ZNF695: variants seen among roughly 807,000 people sequenced by gnomAD.
The protein encoded by ZNF695 is zinc finger protein SBZF3.
ZNF695 carries 11 observed loss-of-function variants against 11.2 expected under a neutral mutation model. The observed-to-expected ratio is 0.98, with a 90% CI of 0.62 to 1.62. ZNF695 has a LOEUF of 1.62. ZNF695 is among the 40% of genes most tolerant of loss of function. The probability of loss-of-function intolerance (pLI) is 0.00; values close to 1 mark genes in which losing one functional copy is unlikely to be tolerated. For missense variants in ZNF695, 559 were observed against 590.5 expected (o/e 0.95, Z 0.55); for synonymous variants, 190 against 201.4 (o/e 0.94, Z 0.48).
intron 1 of ZNF695, among the ~76,000 whole-genome samples, chr1:247,003,602 T>C (rs1669452191): frequency 6.6e-6 from 1 of 152,118 alleles, no homozygotes; most frequent in African/African-American, 2.4e-5. Context: ...AAAATAAACA[T>C]TGGAAAAGAA....
intron 3 of ZNF695, among the ~76,000 whole-genome samples, chr1:246,997,513 A>G (rs978514115): frequency 2.0e-5 from 3 of 152,104 alleles, no homozygotes; most frequent in African/African-American, 7.2e-5. Context: ...AAGAAAAAAA[A>G]AAAAGAAAAA....
intron 5 of ZNF695, among the ~76,000 whole-genome samples, chr1:246,946,201 C>T (rs73146692): frequency 0.026 from 3,901 of 152,244 alleles, 167 homozygotes; most frequent in African/African-American, 0.088. Flanking sequence ...CCTAATCCCA[C>T]GTCCCATCCC....
intron 3 of ZNF695, among the ~76,000 whole-genome samples, chr1:246,988,865 C>T (rs937910081): frequency 1.1e-4 from 16 of 151,804 alleles, no homozygotes; most frequent in East Asian, 3.9e-4. Flanking sequence ...CCGAGACGGG[C>T]GGATCACGAG....
chr1:246,996,340 T>G (rs951083080), intron 3 of ZNF695, among the ~76,000 whole-genome samples: 2 of 151,858 alleles, frequency 1.3e-5, no homozygotes, highest in Admixed American at 6.6e-5. Flanking sequence ...GGCGACAGAG[T>G]GAGACTCCTC....
At chr1:246,963,864 C>T (rs1033267265) in intron 5 of ZNF695, among the ~76,000 whole-genome samples, 1 of 152,126 alleles carries the variant, frequency 6.6e-6, no homozygotes, top group Non-Finnish European at 1.5e-5. Context: ...CAAGACTGCC[C>T]CTACTTTAGA....
At chr1:246,988,370 C>A in intron 3 of ZNF695, 115 bp from the exon 4 acceptor site, 1 of 737,164 alleles carries the variant, frequency 1.4e-6, no homozygotes, top group Non-Finnish European at 2.1e-6. Flanking sequence ...ATACCACAGG[C>A]CCTTATTCCT....
At chr1:246,950,939 A>ATT (rs1558301459) in intron 5 of ZNF695, among the ~76,000 whole-genome samples, 1 of 152,154 alleles carries the variant, frequency 6.6e-6, no homozygotes, top group Non-Finnish European at 1.5e-5. Context: ...AAACAGGTAT[A>ATT]CCCTGTTCCT....
At chr1:246,948,050 G>A (rs1414841722) in intron 5 of ZNF695, among the ~76,000 whole-genome samples, 4 of 152,002 alleles carry the variant, frequency 2.6e-5, no homozygotes, top group Non-Finnish European at 4.4e-5. Flanking sequence ...CCTGTGAGGC[G>A]ATGAGTGACG....
chr1:246,951,619 T>G (rs1382727467), intron 5 of ZNF695, among the ~76,000 whole-genome samples: 1 of 152,236 alleles, frequency 6.6e-6, no homozygotes, highest in Admixed American at 6.5e-5. Flanking sequence ...TACACGCTCC[T>G]AGACCAGAAA....
intron 3 of ZNF695, among the ~76,000 whole-genome samples, chr1:246,988,816 C>T (rs964985357): frequency 3.9e-5 from 6 of 152,196 alleles, no homozygotes; most frequent in African/African-American, 1.2e-4. Flanking sequence ...TTAGGCCGGG[C>T]GCGGTGGCTC....
At chr1:247,000,432 G>A (rs1419319174) in intron 1 of ZNF695, among the ~76,000 whole-genome samples, 2 of 151,736 alleles carry the variant, frequency 1.3e-5, no homozygotes, top group South Asian at 2.1e-4. Flanking sequence ...TTGAAGCCAA[G>A]CTGCAGTGAG....
intron 3 of ZNF695, among the ~76,000 whole-genome samples, chr1:246,997,985 C>G (rs1669258756): frequency 6.6e-6 from 1 of 152,152 alleles, no homozygotes; most frequent in Non-Finnish European, 1.5e-5. Context: ...ATCATGAGTA[C>G]AGTTAATAAT....
chr1:246,979,205 G>A (rs1407158639), intron 4 of ZNF695, among the ~76,000 whole-genome samples: 1 of 152,182 alleles, frequency 6.6e-6, no homozygotes, highest in Non-Finnish European at 1.5e-5. Flanking sequence ...AGATCCACAA[G>A]GGGAGATAAC....
At chr1:246,949,811 C>T (rs1313543653) in intron 5 of ZNF695, among the ~76,000 whole-genome samples, 1 of 152,078 alleles carries the variant, frequency 6.6e-6, no homozygotes. Flanking sequence ...ATGGAAAAGA[C>T]TAATTACTTT....
At chr1:246,962,842 G>C (rs915445594) in intron 5 of ZNF695, among the ~76,000 whole-genome samples, 7 of 151,898 alleles carry the variant, frequency 4.6e-5, no homozygotes. Flanking sequence ...ACAGGCACCC[G>C]CCACCACGCC....
intron 5 of ZNF695, among the ~76,000 whole-genome samples, chr1:246,965,872 T>G (rs2103008695): frequency 6.6e-6 from 1 of 152,086 alleles, no homozygotes; most frequent in South Asian, 2.1e-4. Context: ...TAAATTCCTT[T>G]TTGTTTATAT....
intron 4 of ZNF695, among the ~76,000 whole-genome samples, chr1:246,976,559 C>CAGAG (rs1243472466): frequency 5.3e-5 from 8 of 151,864 alleles, no homozygotes; most frequent in Non-Finnish European, 8.8e-5. Context: ...CTTTGGGAGG[C>CAGAG]CAAGGCGGGC....
rs1364781588 is a variant in ZNF695 at position 246,986,390 on chromosome 1, A to G, written c.*577T>C. The stretch of plus-strand genomic sequence containing the variant: ...GCACCAAAAGGTATACTTGAAATGT[A>G]ATTATAACTTCCCCAAAAGGTGAAT... On this transcript the variant is annotated 3_prime_UTR_variant, in exon 4 of 4. Transcript: ENST00000339986. 4 of 985,430 alleles carry G rather than the reference A, an allele frequency of 4.1e-6. No homozygotes were observed. The highest frequency in any genetic ancestry group is 4.8e-6 in the Non-Finnish European group (4 of 830,020). The allele number at this position is 985,430 out of a possible 1,614,324, so 61.0% of individuals were successfully genotyped here. A position where few individuals can be genotyped will look rare whatever the true frequency, so the allele number is the denominator to read the frequency against.
At chr1:246,992,120 C>T (rs1345049359) in intron 3 of ZNF695, among the ~76,000 whole-genome samples, 3 of 151,512 alleles carry the variant, frequency 2.0e-5, no homozygotes, top group Non-Finnish European at 2.9e-5. Context: ...GCCGAGATCG[C>T]GCCACTGCAC....
Sources: allele counts gnomAD v4.1 joint callset (sites outside exome capture counted in the v4.1 genomes callset), GRCh38; gene constraint gnomAD v4.1.1; transcripts MANE v1.5; gene names NCBI Gene and HGNC (gene_info 2026-07-23, HGNC 2026-07-21).